Variants in HIP1 observed in about 807,000 individuals in gnomAD.
HIP1 encodes the protein huntingtin-interacting protein 1.
A neutral mutation model predicts 147.6 loss-of-function variants in HIP1; 65 were observed. The observed-to-expected ratio is 0.44, with a 90% CI of 0.36 to 0.54. The LOEUF is 0.54. Among genes scored for constraint, HIP1 ranks in the 20% least tolerant of loss-of-function variants. HIP1 has a pLI of 0.00. For synonymous variants in HIP1, 479 were observed against 504.0 expected (o/e 0.95, Z 0.67); for missense variants, 1,061 against 1,299.6 (o/e 0.82, Z 2.82).
chr7:75,614,102 A>G (rs1411016276), intron 1 of HIP1, among the ~76,000 whole-genome samples: 3 of 151,664 alleles, frequency 2.0e-5, no homozygotes, highest in African/African-American at 7.3e-5. Flanking sequence ...CCTTTGTAGA[A>G]ATGGGGTTCA....
At position 75,557,639 on chromosome 7, in the gene HIP1, C is replaced by T. The variant is rs371429617; in HGVS notation, c.1581+15G>A. The stretch of plus-strand genomic sequence containing the variant: ...CCCCCTCCCTCATTTCCCGAGTGCT[C>T]CTCGTCCCACTCACCTTCCGCTGGC... On this transcript the variant is annotated intron_variant, in intron 16 of 30. Transcript: ENST00000336926. 2 of 1,580,638 alleles carry T rather than the reference C, an allele frequency of 1.3e-6. No homozygotes were observed. The highest frequency in any genetic ancestry group is 1.7e-6 in the Non-Finnish European group (2 of 1,149,536).
At chr7:75,655,135 G>A (rs1451888131) in intron 1 of HIP1, among the ~76,000 whole-genome samples, 2 of 152,164 alleles carry the variant, frequency 1.3e-5, no homozygotes, top group African/African-American at 2.4e-5. Flanking sequence ...CCAAAAGGTG[G>A]GGACAGCCCA....
At chr7:75,715,551 C>A (rs923069972) in intron 1 of HIP1, among the ~76,000 whole-genome samples, 1 of 151,382 alleles carries the variant, frequency 6.6e-6, no homozygotes, top group African/African-American at 2.4e-5. Flanking sequence ...GTGGGAGGAT[C>A]ACTTGAGGTC....
intron 19 of HIP1, among the ~76,000 whole-genome samples, chr7:75,555,149 C>G (rs1217067940): frequency 7.9e-6 from 1 of 126,466 alleles, no homozygotes; most frequent in Admixed American, 1.1e-4. Context: ...GCACTGCACT[C>G]TAGCCTGAGC....
chr7:75,627,026 G>A (rs587659869), intron 1 of HIP1: 3 of 152,264 alleles, frequency 2.0e-5, no homozygotes, highest in Admixed American at 2.0e-4. Flanking sequence ...AGTGGCAGAA[G>A]TTTAACATTT....
chr7:75,576,664 C>T (rs1795856026), intron 7 of HIP1, among the ~76,000 whole-genome samples: 5 of 152,000 alleles, frequency 3.3e-5, no homozygotes, highest in Admixed American at 3.3e-4. Flanking sequence ...AGCCAAGATC[C>T]CACCACTGCA....
intron 1 of HIP1, among the ~76,000 whole-genome samples, chr7:75,637,768 C>G (rs1323283782): frequency 1.3e-5 from 2 of 151,910 alleles, no homozygotes; most frequent in Non-Finnish European, 1.5e-5. Flanking sequence ...GAGACTGATG[C>G]AGGCCATAGA....
chr7:75,575,914 G>GA (rs781931755), intron 7 of HIP1, among the ~76,000 whole-genome samples: 2,140 of 143,422 alleles, frequency 0.015, 21 homozygotes, highest in Middle Eastern at 0.06. Context: ...TCTGGCAGCT[G>GA]AAAAAAAAAA....
At chr7:75,599,429 C>T (rs1796889485) in intron 1 of HIP1, among the ~76,000 whole-genome samples, 182 bp from the exon 2 acceptor site, 1 of 152,154 alleles carries the variant, frequency 6.6e-6, no homozygotes, top group Admixed American at 6.6e-5. Context: ...CTCCCAGGAG[C>T]CAGCTGGCTG....
chr7:75,649,893 T>C (rs1268837163), intron 1 of HIP1, among the ~76,000 whole-genome samples: 11 of 152,120 alleles, frequency 7.2e-5, no homozygotes, highest in Admixed American at 7.2e-4. Flanking sequence ...GCCTCTGATA[T>C]TAATAGACCT....
At chr7:75,680,376 C>A (rs782204161) in intron 1 of HIP1, among the ~76,000 whole-genome samples, 2 of 152,046 alleles carry the variant, frequency 1.3e-5, no homozygotes, top group African/African-American at 4.8e-5. Flanking sequence ...CCACCCATTT[C>A]TCTCTGCCTC....
rs189457350 is a variant in HIP1 at position 75,702,264 on chromosome 7, C to T, written c.120+36537G>A. On this transcript the variant is annotated intron_variant, in intron 1 of 30. Coordinates refer to ENST00000336926, the MANE Select transcript of HIP1 (RefSeq NM_005338.7). ...TAGCTGGGATTACAGACACGCACCACCACATCTGGCAAATTTTTGTATTTT... is the reference window on the plus strand; with the variant it reads ...TAGCTGGGATTACAGACACGCACCATCACATCTGGCAAATTTTTGTATTTT... Among the ~76,000 whole-genome samples, 518 of 152,292 alleles carry T rather than the reference C, an allele frequency of 3.4e-3. 1 individual carries two copies. The highest frequency in any genetic ancestry group is 5.5e-3 in the Non-Finnish European group (374 of 68,026).
chr7:75,596,600 G>C (rs587721926), intron 2 of HIP1, among the ~76,000 whole-genome samples: 1 of 152,196 alleles, frequency 6.6e-6, no homozygotes, highest in South Asian at 2.1e-4. Context: ...TGGCCAGGCT[G>C]GTCTCGAACT....
chr7:75,610,828 T>A (rs1459329611), intron 1 of HIP1, among the ~76,000 whole-genome samples: 1 of 148,418 alleles, frequency 6.7e-6, no homozygotes, highest in Non-Finnish European at 1.5e-5. Context: ...CATGGTAAGA[T>A]CCCATCACTA....
chr7:75,585,329 C>CCATGG (rs1796216961), intron 5 of HIP1, among the ~76,000 whole-genome samples: 1 of 151,494 alleles, frequency 6.6e-6, no homozygotes, highest in African/African-American at 2.4e-5. Flanking sequence ...GGACTACAGA[C>CCATGG]GTGAGCTAAT....
At chr7:75,640,456 C>T (rs544165372) in intron 1 of HIP1, among the ~76,000 whole-genome samples, 26 of 152,288 alleles carry the variant, frequency 1.7e-4, no homozygotes, top group South Asian at 1.0e-3. Flanking sequence ...GCCTGGCTCC[C>T]GGCGGGCTCA....
At chr7:75,636,257 A>C (rs1554509690) in intron 1 of HIP1, among the ~76,000 whole-genome samples, 1 of 151,404 alleles carries the variant, frequency 6.6e-6, no homozygotes, top group East Asian at 1.9e-4. Flanking sequence ...AAGCTGAGGC[A>C]CGAGAATCGC....
chr7:75,624,299 T>C (rs1435084500), intron 1 of HIP1, among the ~76,000 whole-genome samples: 1 of 152,174 alleles, frequency 6.6e-6, no homozygotes, highest in African/African-American at 2.4e-5. Flanking sequence ...AGAGAGGTTG[T>C]TGCTAATTCC....
At chr7:75,700,587 T>C (rs545742611) in intron 1 of HIP1, among the ~76,000 whole-genome samples, 7 of 152,202 alleles carry the variant, frequency 4.6e-5, no homozygotes, top group African/African-American at 1.7e-4. Context: ...TTAACTGACA[T>C]GGAGCTTACC....
Sources: gnomAD v4.1 joint callset for allele counts (sites outside exome capture counted in the v4.1 genomes callset) on GRCh38, gnomAD v4.1.1 for gene constraint, MANE v1.5 for transcripts, NCBI Gene and HGNC (gene_info 2026-07-23, HGNC 2026-07-21) for gene names.